Variants in RAB3GAP1 observed in about 807,000 individuals in gnomAD.
RAB3GAP1 encodes the protein rab3 GTPase-activating protein catalytic subunit.
RAB3GAP1 carries 86 observed loss-of-function variants against 130.7 expected under a neutral mutation model. That is an observed-to-expected ratio of 0.66 (90% confidence interval 0.55 to 0.79). The LOEUF is 0.79. Ranked by LOEUF, RAB3GAP1 falls within the 30% of genes least tolerant of loss-of-function variation. RAB3GAP1 has a pLI of 0.00. For missense variants in RAB3GAP1, 1,029 were observed against 1,169.4 expected, an observed-to-expected ratio of 0.88 and a Z score of 1.75; for synonymous variants, 367 against 401.7, an observed-to-expected ratio of 0.91 and a Z score of 1.03.
At chr2:135,155,482 AAG>A (rs1315717819) in intron 19 of RAB3GAP1, among the ~76,000 whole-genome samples, 6 of 152,142 alleles carry the variant, frequency 3.9e-5, no homozygotes, top group Non-Finnish European at 8.8e-5. Flanking sequence ...TGGCTTAACA[AAG>A]AGGATACGTT....
chr2:135,142,060 T>C (rs1335631624), intron 17 of RAB3GAP1, among the ~76,000 whole-genome samples: 1 of 152,222 alleles, frequency 6.6e-6, no homozygotes, highest in Non-Finnish European at 1.5e-5. Flanking sequence ...AATCAGCTTG[T>C]TAATTTTTAT....
At chr2:135,176,373 G>A (rs1693001397) in exon 25 of RAB3GAP1, 1 of 152,004 alleles carries the variant, frequency 6.6e-6, no homozygotes, top group South Asian at 2.1e-4. Context: ...GCAGATGAAT[G>A]GATTAAAAAT....
At position 135,162,456 on chromosome 2, in the gene RAB3GAP1, A is replaced by G. The variant is rs563585147; in HGVS notation, c.2290-99A>G. The stretch of plus-strand genomic sequence containing the variant: ...GCCTATCTGGAGTGCTGTCTTGTTA[A>G]GGATTAAGATGAGTGGCTGAGGATT... On this transcript the variant is annotated intron_variant, in intron 19 of 23. Coordinates refer to ENST00000264158, the MANE Select transcript of RAB3GAP1 (RefSeq NM_012233.3). 1.5e-5 allele frequency: 13 copies of G among 894,292 alleles called. No homozygotes were observed. In the South Asian group the frequency reaches 1.8e-4, roughly 13 times the overall value. The allele number at this position is 894,292 out of a possible 1,614,324, so 55.4% of individuals were successfully genotyped here.
At chr2:135,052,365 A>G (rs752696400) in intron 1 of RAB3GAP1, 40 bp downstream of exon 1, 1 of 1,614,128 alleles carries the variant, frequency 6.2e-7, no homozygotes, top group East Asian at 2.2e-5. Context: ...GTCACTATCT[A>G]AATTCGTTCC....
intron 3 of RAB3GAP1, among the ~76,000 whole-genome samples, chr2:135,073,888 A>G (rs1222671279): frequency 6.6e-6 from 1 of 152,096 alleles, no homozygotes; most frequent in Non-Finnish European, 1.5e-5. Context: ...ACCGTAAAAA[A>G]CGTCTGTTGG....
intron 17 of RAB3GAP1, among the ~76,000 whole-genome samples, chr2:135,140,779 A>G (rs1218913829): frequency 2.0e-5 from 3 of 152,234 alleles, no homozygotes; most frequent in Admixed American, 6.5e-5. Flanking sequence ...GGTGTTTAGC[A>G]TAAACCATAT....
rs185076543 is a variant in RAB3GAP1 at position 135,132,999 on chromosome 2, A to C, written c.1326+15A>C. 37 of 1,424,272 alleles carry C rather than the reference A, an allele frequency of 2.6e-5. No individual in the cohort carries two copies. In the African/African-American group the frequency reaches 3.8e-4, roughly 15 times the overall value. 88.2% of individuals were successfully genotyped at this position (1,424,272 alleles called of 1,614,324 possible). ...GTGAAGACTATGTAAGTTGATGTGGAGTTCAATGTTAAAATGTTTTAAATG... is the reference window on the plus strand; with the variant it reads ...GTGAAGACTATGTAAGTTGATGTGGCGTTCAATGTTAAAATGTTTTAAATG... On this transcript the variant is annotated intron_variant, in intron 14 of 23. Coordinates refer to ENST00000264158, the MANE Select transcript of RAB3GAP1 (RefSeq NM_012233.3).
In RAB3GAP1 at chr2:135,127,533, G is replaced by A. The variant is rs1017420890; in HGVS notation, c.973+877G>A. On this transcript the variant is annotated intron_variant, in intron 11 of 23. Transcript: ENST00000264158. ...AATTTTTTGTGTTTTTAGTAGAGAC[G>A]GGGTTTCACCGTGTTAGCCAGGATG... Among the ~76,000 whole-genome samples the A allele has an allele frequency of 5.3e-5, 8 of 151,716 alleles. No homozygotes were observed. The South Asian group carries it at 1.7e-3, about 32-fold the overall frequency.
chr2:135,083,533 T>G (rs1689887814), intron 3 of RAB3GAP1, among the ~76,000 whole-genome samples: 2 of 152,084 alleles, frequency 1.3e-5, no homozygotes, highest in African/African-American at 2.4e-5. Context: ...CAATCATAGT[T>G]TACTGTAACC....
At chr2:135,070,838 A>G (rs1183039511) in intron 3 of RAB3GAP1, among the ~76,000 whole-genome samples, 1 of 152,130 alleles carries the variant, frequency 6.6e-6, no homozygotes, top group Non-Finnish European at 1.5e-5. Flanking sequence ...TTTAAATTGT[A>G]TGCATTCTTA....
At chr2:135,134,107 T>A in intron 15 of RAB3GAP1, 74 bp downstream of exon 15, 2 of 1,560,236 alleles carry the variant, frequency 1.3e-6, no homozygotes, top group South Asian at 2.2e-5. Context: ...GACCTATTTT[T>A]TCCCCCTTCT....
chr2:135,070,783 C>A (rs868520087), intron 3 of RAB3GAP1, among the ~76,000 whole-genome samples: 1 of 152,092 alleles, frequency 6.6e-6, no homozygotes, highest in African/African-American at 2.4e-5. Flanking sequence ...TGAGCCACCA[C>A]GCCCGGCCTG....
At chr2:135,094,818 G>A (rs1005196947) in intron 5 of RAB3GAP1, among the ~76,000 whole-genome samples, 2 of 151,920 alleles carry the variant, frequency 1.3e-5, no homozygotes, top group African/African-American at 4.8e-5. Context: ...TTCTGTGCCT[G>A]GCTTATTTCA....
intron 3 of RAB3GAP1, among the ~76,000 whole-genome samples, chr2:135,076,670 C>T (rs1363033778): frequency 6.6e-6 from 1 of 152,188 alleles, no homozygotes; most frequent in Non-Finnish European, 1.5e-5. Flanking sequence ...TGGCAAAGTA[C>T]ATCATATAAA....
intron 17 of RAB3GAP1, among the ~76,000 whole-genome samples, chr2:135,143,792 G>A (rs1423758920): frequency 2.6e-5 from 4 of 151,930 alleles, no homozygotes; most frequent in East Asian, 1.9e-4. Context: ...CTCCTGACCC[G>A]CCCGCCTCGG....
chr2:135,157,780 C>T (rs1351138643), intron 19 of RAB3GAP1, among the ~76,000 whole-genome samples: 3 of 147,430 alleles, frequency 2.0e-5, no homozygotes, highest in Non-Finnish European at 4.5e-5. Context: ...TGCAGTGAGC[C>T]GAGATCGTGT....
At chr2:135,176,301 C>T (rs921861693) in exon 25 of RAB3GAP1, 1 of 152,120 alleles carries the variant, frequency 6.6e-6, no homozygotes, top group Non-Finnish European at 1.5e-5. Flanking sequence ...ATCTGCACTC[C>T]CATGTTGATT....
At chr2:135,153,982 A>G in intron 19 of RAB3GAP1, 106 bp downstream of exon 19, 1 of 1,073,356 alleles carries the variant, frequency 9.3e-7, no homozygotes, top group Non-Finnish European at 1.4e-6. Context: ...TGAGGTGCAA[A>G]GCATTGAAAT....
rs955185000 is a variant in RAB3GAP1 at position 135,116,628 on chromosome 2, T to C, written c.648+1247T>C. Among the ~76,000 whole-genome samples, 3 of 152,226 alleles carry C rather than the reference T, an allele frequency of 2.0e-5. No individual in the cohort carries two copies. In the South Asian group the frequency reaches 6.2e-4, roughly 31 times the overall value. On this transcript the variant is annotated intron_variant, in intron 7 of 23. Transcript: ENST00000264158. ...GAAAATAGTATCAATGTTTAATTTA[T>C]TGAGTGTGATAATTGTATTATAGTT... is the stretch of plus-strand genomic sequence containing the variant.
Sources: allele counts gnomAD v4.1 joint callset (sites outside exome capture counted in the v4.1 genomes callset), GRCh38; gene constraint gnomAD v4.1.1; transcripts MANE v1.5; gene names NCBI Gene and HGNC (gene_info 2026-07-23, HGNC 2026-07-21).